The following KCTD19 variants were observed in gnomAD, a reference collection of about 807,000 sequenced individuals.
The protein encoded by KCTD19 is potassium channel tetramerization domain containing 19.
KCTD19 carries 67 observed loss-of-function variants against 103.5 expected under a neutral mutation model. The ratio of observed to expected loss-of-function variants is 0.65; its 90% confidence interval spans 0.53 to 0.79. The LOEUF is 0.79. Ranked by LOEUF, KCTD19 falls within the 30% of genes least tolerant of loss-of-function variation. KCTD19 has a pLI of 0.00. For synonymous variants in KCTD19, 439 were observed against 452.2 expected (o/e 0.97, Z 0.37); for missense variants, 980 against 1,136.1 (o/e 0.86, Z 1.98).
At chr16:67,314,830 T>TATAGAG (rs1430877802) in intron 2 of KCTD19, among the ~76,000 whole-genome samples, 22 of 33,644 alleles carry the variant, frequency 6.5e-4, no homozygotes, top group African/African-American at 2.1e-3. Flanking sequence ...TATATATATA[T>TATAGAG]AGAGAGAGAG....
chr16:67,296,542 C>G (rs1288319694), intron 7 of KCTD19, among the ~76,000 whole-genome samples: 2 of 152,174 alleles, frequency 1.3e-5, no homozygotes, highest in African/African-American at 4.8e-5. Flanking sequence ...CCAGCTGCCT[C>G]CGGTTTCTGG....
intron 1 of KCTD19, among the ~76,000 whole-genome samples, chr16:67,325,704 G>A (rs2037149020): frequency 6.6e-6 from 1 of 152,148 alleles, no homozygotes; most frequent in Non-Finnish European, 1.5e-5. Flanking sequence ...GCTGGTTAGT[G>A]CAGAGCTATC....
At position 67,290,882 on chromosome 16, in the gene KCTD19, C is replaced by T. The variant is rs376639011; in HGVS notation, c.2667+3G>A. The T allele has an allele frequency of 3.7e-6, 6 of 1,609,848 alleles. No homozygotes were observed. Among genetic ancestry groups the T allele is most frequent in the Non-Finnish European group, 3.4e-6 (4 of 1,178,328 alleles). ...ATTCCCAGGGATTGCAAGTGGCCCT[C>T]ACCTCCACCCAGCTGTACAGGCGCT... is the stretch of plus-strand genomic sequence containing the variant. On this transcript the variant is annotated splice_donor_region_variant and intron_variant, in intron 15 of 15. Transcript: ENST00000304372.
intron 2 of KCTD19, among the ~76,000 whole-genome samples, chr16:67,316,166 T>G (rs897371044): frequency 6.6e-5 from 10 of 152,018 alleles, no homozygotes; most frequent in African/African-American, 2.2e-4. Flanking sequence ...CTCAGTCTCC[T>G]GAGTAGCTGG....
chr16:67,323,521 C>A lies in KCTD19; in HGVS notation c.4-2636G>T, dbSNP rs984739876. Among the ~76,000 whole-genome samples the A allele has an allele frequency of 6.6e-6, 1 of 151,624 alleles. No homozygotes were observed. Among genetic ancestry groups the A allele is most frequent in the Admixed American group, 6.6e-5 (1 of 15,214 alleles). ...CTGGGCGTCAGAGTGAGGCACGTCTCTAAAAAAATAAAAAATAAAAAGGAA... is the reference window on the plus strand; with the variant it reads ...CTGGGCGTCAGAGTGAGGCACGTCTATAAAAAAATAAAAAATAAAAAGGAA... On this transcript the variant is annotated intron_variant, in intron 1 of 15. Coordinates refer to ENST00000304372, the MANE Select transcript of KCTD19 (RefSeq NM_001100915.3). This position sits in a 1 kb window ranked among gnomAD's most constrained non-coding sequence, Gnocchi z 4.1.
At chr16:67,318,203 T>G (rs2037032847) in intron 2 of KCTD19, among the ~76,000 whole-genome samples, 1 of 152,222 alleles carries the variant, frequency 6.6e-6, no homozygotes, top group Non-Finnish European at 1.5e-5. Context: ...CTTCTACTCC[T>G]CACACAATGT....
chr16:67,295,648 C>T (rs1320548058), intron 8 of KCTD19: 11 of 412,694 alleles, frequency 2.7e-5, no homozygotes, highest in East Asian at 1.7e-4. Context: ...GGAAGCCCAC[C>T]GTACCTCCTT....
At chr16:67,315,896 G>A (rs1567454145) in intron 2 of KCTD19, among the ~76,000 whole-genome samples, 1 of 152,192 alleles carries the variant, frequency 6.6e-6, no homozygotes, top group South Asian at 2.1e-4. Context: ...TTATAGGTGT[G>A]AGCCACCGCG....
chr16:67,319,516 A>G (rs1428634043), intron 2 of KCTD19, among the ~76,000 whole-genome samples: 1 of 152,134 alleles, frequency 6.6e-6, no homozygotes, highest in Admixed American at 6.5e-5. Flanking sequence ...GGTCCTTCCC[A>G]GTTGTAATAT....
At position 67,320,847 on chromosome 16, in the gene KCTD19, C is replaced by G. The variant is rs373181232; in HGVS notation, c.42G>C (p.Leu14Phe). ...GCCAGCCCCCTACGTTGAAATGAAA[C>G]AAGTCCTCTGCTGATTCATGAGCCA... ...SGMAHESAEDLFHFNVGGWHF... is the reference protein window; with the variant it reads ...SGMAHESAEDFFHFNVGGWHF... The change falls in exon 2 of 16, where the codon TTG (leucine) becomes TTC (phenylalanine). Residue 14 changes from leucine (L) to phenylalanine (F), a missense_variant. Physicochemically the swap from Leu to Phe is conservative, Grantham distance 22. Transcript: ENST00000304372. The surrounding 1 kb of genome is among the most constrained non-coding windows in gnomAD (Gnocchi z 4.0). The G allele has an allele frequency of 6.2e-6, 10 of 1,613,976 alleles. No homozygotes were observed. The highest frequency in any genetic ancestry group is 1.1e-5 in the South Asian group (1 of 91,086).
intron 1 of KCTD19, among the ~76,000 whole-genome samples, chr16:67,325,315 C>T (rs1401392608): frequency 6.6e-6 from 1 of 150,974 alleles, no homozygotes; most frequent in African/African-American, 2.4e-5. Flanking sequence ...CGCCATTCTC[C>T]TGCCTCAGCC....
Position 67,320,766 on chromosome 16 carries a change from T to C in KCTD19, c.123A>G (p.Lys41=), listed in dbSNP as rs1233555276. ...LSQFPDSLLW[K]EASALTSSES... ...CTGAAGAGGTCAAGGCTGAAGCCTCTTTCCACAGCAGGGAGTCTGGAAACT... is the reference window on the plus strand; with the variant it reads ...CTGAAGAGGTCAAGGCTGAAGCCTCCTTCCACAGCAGGGAGTCTGGAAACT... Residue 41 remains lysine, a synonymous_variant, in exon 2 of 16, where the codon AAA becomes AAG. Transcript: ENST00000304372. This position sits in a 1 kb window ranked among gnomAD's most constrained non-coding sequence, Gnocchi z 4.0. 1.2e-6 allele frequency: 2 copies of C among 1,614,068 alleles called. No homozygotes were observed. Among genetic ancestry groups the C allele is most frequent in the Non-Finnish European group, 1.7e-6 (2 of 1,180,028 alleles).
intron 2 of KCTD19, among the ~76,000 whole-genome samples, chr16:67,319,714 TAAA>T (rs1029442592): frequency 1.9e-4 from 29 of 150,326 alleles, no homozygotes; most frequent in Non-Finnish European, 4.0e-4. Context: ...ATAATAATAA[TAAA>T]GTTTCTTGGA....
chr16:67,322,368 G>T (rs1411903268), intron 1 of KCTD19, among the ~76,000 whole-genome samples: 1 of 149,268 alleles, frequency 6.7e-6, no homozygotes, highest in African/African-American at 2.5e-5. Context: ...TAACAATCTC[G>T]GCTCACTGCA....
chr16:67,298,098 A>G (rs2036788875), intron 6 of KCTD19, among the ~76,000 whole-genome samples: 4 of 147,330 alleles, frequency 2.7e-5, no homozygotes. Context: ...GGTTCATGCC[A>G]TTCTCCTACC....
chr16:67,302,056 C>G, intron 4 of KCTD19, 134 bp from the exon 5 acceptor site: 1 of 756,110 alleles, frequency 1.3e-6, no homozygotes, highest in Admixed American at 2.3e-5. Flanking sequence ...TATCAACATA[C>G]CTTATTAGAT....
intron 2 of KCTD19, among the ~76,000 whole-genome samples, chr16:67,313,967 T>C (rs1035149531): frequency 6.6e-6 from 1 of 151,986 alleles, no homozygotes; most frequent in Non-Finnish European, 1.5e-5. Flanking sequence ...TATGATCCTC[T>C]GGCTTCAGCC....
At chr16:67,309,823 A>G (rs893508460) in intron 2 of KCTD19, among the ~76,000 whole-genome samples, 1 of 152,182 alleles carries the variant, frequency 6.6e-6, no homozygotes, top group Non-Finnish European at 1.5e-5. Flanking sequence ...CTAGTTTGAG[A>G]GGAGATGTGC....
At chr16:67,326,567 C>A in intron 1 of KCTD19, 138 bp downstream of exon 1, 1 of 1,192,142 alleles carries the variant, frequency 8.4e-7, no homozygotes, top group Non-Finnish European at 1.2e-6. Flanking sequence ...CCCCCAAATC[C>A]TTCCCGGCTG....
Sources: allele counts gnomAD v4.1 joint callset (sites outside exome capture counted in the v4.1 genomes callset), GRCh38; gene constraint gnomAD v4.1.1; non-coding constraint Gnocchi (gnomAD v3.1); transcripts MANE v1.5; gene names NCBI Gene and HGNC (gene_info 2026-07-23, HGNC 2026-07-21).